Variants in UBE2D2 observed in about 807,000 individuals in gnomAD.
UBE2D2 encodes the protein ubiquitin-conjugating enzyme E2 D2.
A neutral mutation model predicts 24.2 loss-of-function variants in UBE2D2; 2 were observed. The ratio of observed to expected loss-of-function variants is 0.08; its 90% confidence interval spans 0.03 to 0.26. The LOEUF is 0.26. Ranked by LOEUF, UBE2D2 falls within the 10% of genes least tolerant of loss-of-function variation. UBE2D2 has a pLI of 1.00. For synonymous variants in UBE2D2, 58 were observed against 56.5 expected, an observed-to-expected ratio of 1.03 and a Z score of -0.12; for missense variants, 44 against 177.6, an observed-to-expected ratio of 0.25 and a Z score of 4.28.
chr5:139,563,670 C>A (rs542256818), intron 1 of UBE2D2, among the ~76,000 whole-genome samples: 1 of 152,228 alleles, frequency 6.6e-6, no homozygotes, highest in East Asian at 1.9e-4. Context: ...CGGTGGCTCA[C>A]GCCTGTAATC....
intron 1 of UBE2D2, among the ~76,000 whole-genome samples, chr5:139,550,570 C>T (rs866694376): frequency 6.6e-6 from 1 of 152,102 alleles, no homozygotes; most frequent in Non-Finnish European, 1.5e-5. Flanking sequence ...CACGCTCACG[C>T]TATGGGAGTT....
At chr5:139,556,948 C>CG (rs1752988616), upstream of UBE2D2, among the ~76,000 whole-genome samples, 1 of 151,248 alleles carries the variant, frequency 6.6e-6, no homozygotes, top group Admixed American at 6.6e-5. Flanking sequence ...AATTCTCCTG[C>CG]CTCAGCCTCC....
At chr5:139,561,967 T>C in intron 1 of UBE2D2, 152 bp downstream of exon 1, 1 of 1,118,426 alleles carries the variant, frequency 8.9e-7, no homozygotes, top group East Asian at 3.0e-5. Flanking sequence ...CTCCCAGTGA[T>C]GGCGCCCGTG....
In UBE2D2 at chr5:139,574,566, C is replaced by T. The variant is rs74610800; in HGVS notation, c.24+12751C>T. 7.7e-3 allele frequency among the ~76,000 whole-genome samples: 1,172 copies of T among 152,034 alleles called. 8 individuals carry two copies. Among genetic ancestry groups the T allele is most frequent in the Middle Eastern group, 0.041 (12 of 292 alleles). ...ATGAGGCATACAGGCAGTCAGAGTT[C>T]AACTGTAGAATCGTTTCTTAGTGTG... is the stretch of plus-strand genomic sequence containing the variant. On this transcript the variant is annotated intron_variant, in intron 1 of 6. Coordinates refer to ENST00000398733, the MANE Select transcript of UBE2D2 (RefSeq NM_003339.3).
At chr5:139,528,762 C>T (rs554572799) in intron 1 of UBE2D2, among the ~76,000 whole-genome samples, 4 of 152,282 alleles carry the variant, frequency 2.6e-5, no homozygotes, top group South Asian at 2.1e-4. Flanking sequence ...CCTTGCTCCC[C>T]GTATCAGAGA....
chr5:139,610,574 G>GA (rs1381340439), intron 2 of UBE2D2, among the ~76,000 whole-genome samples: 3 of 148,900 alleles, frequency 2.0e-5, no homozygotes, highest in Admixed American at 6.7e-5. Context: ...TGCTTGATAT[G>GA]AAAAAAATCC....
intron 2 of UBE2D2, among the ~76,000 whole-genome samples, chr5:139,603,355 ACT>A (rs1388497271): frequency 1.3e-5 from 2 of 151,602 alleles, no homozygotes; most frequent in Non-Finnish European, 2.9e-5. Context: ...GTTAAATAAA[ACT>A]CTCCCACAGC....
chr5:139,562,174 C>T (rs552517906), intron 1 of UBE2D2: 15 of 1,344,018 alleles, frequency 1.1e-5, no homozygotes, highest in African/African-American at 5.9e-5. Context: ...GGGCGTTGGG[C>T]GGCCCCTTCG....
chr5:139,575,388 G>A (rs1222405026), intron 1 of UBE2D2, among the ~76,000 whole-genome samples: 1 of 152,116 alleles, frequency 6.6e-6, no homozygotes, highest in East Asian at 1.9e-4. Context: ...AATCTTAGGT[G>A]TCAGTGTTAA....
chr5:139,578,416 A>T (rs1375045499), intron 1 of UBE2D2, among the ~76,000 whole-genome samples: 1 of 150,904 alleles, frequency 6.6e-6, no homozygotes, highest in Non-Finnish European at 1.5e-5. Context: ...CCAAAATTCT[A>T]AACTTCTGTT....
chr5:139,546,809 T>TTCTTC (rs1561498142), intron 1 of UBE2D2, among the ~76,000 whole-genome samples: 1 of 129,046 alleles, frequency 7.7e-6, no homozygotes, highest in African/African-American at 2.8e-5. Context: ...CTTTCTTTCT[T>TTCTTC]CTTTCTTTCT....
intron 1 of UBE2D2, among the ~76,000 whole-genome samples, chr5:139,588,131 A>G (rs951260388): frequency 1.3e-5 from 2 of 150,010 alleles, no homozygotes; most frequent in Admixed American, 6.7e-5. Flanking sequence ...GCCTGGCTAA[A>G]TGTTTCTATT....
chr5:139,615,586 AAGAT>A (rs1248221591), intron 5 of UBE2D2, among the ~76,000 whole-genome samples: 1 of 152,202 alleles, frequency 6.6e-6, no homozygotes, highest in East Asian at 1.9e-4. Context: ...TGAATGGAAA[AAGAT>A]AGATACTATT....
chr5:139,626,733 C>G (rs1046546320), intron 6 of UBE2D2, 23 bp from the exon 7 acceptor site: 3 of 1,611,720 alleles, frequency 1.9e-6, no homozygotes, highest in African/African-American at 2.7e-5. Context: ...TATGTTAAGC[C>G]AAGCTTCTCT....
At chr5:139,537,688 G>A (rs1581479797) in intron 1 of UBE2D2, among the ~76,000 whole-genome samples, 1 of 151,884 alleles carries the variant, frequency 6.6e-6, no homozygotes, top group Non-Finnish European at 1.5e-5. Context: ...TTTCTGGCCA[G>A]GCGTGGTAGC....
chr5:139,554,136 TAGAA>T (rs1752952537), intron 1 of UBE2D2, among the ~76,000 whole-genome samples: 1 of 152,132 alleles, frequency 6.6e-6, no homozygotes, highest in Non-Finnish European at 1.5e-5. Context: ...ACCAAAACAA[TAGAA>T]AGAACATTTC....
intron 2 of UBE2D2, among the ~76,000 whole-genome samples, chr5:139,607,006 A>G (rs563348258): frequency 3.9e-4 from 59 of 152,178 alleles, no homozygotes; most frequent in Non-Finnish European, 7.9e-4. Context: ...GTATTTCACC[A>G]TGTTGGCCAG....
intron 1 of UBE2D2, among the ~76,000 whole-genome samples, chr5:139,579,287 A>G (rs1380989264): frequency 6.6e-6 from 1 of 152,188 alleles, no homozygotes; most frequent in African/African-American, 2.4e-5. Flanking sequence ...AGCTGGGATT[A>G]CAGGCATGCG....
chr5:139,627,543 A>G lies in UBE2D2; in HGVS notation c.*742A>G, dbSNP rs1167320139. 6.6e-6 allele frequency: 1 copy of G among 152,600 alleles called. No homozygotes were observed. The highest frequency in any genetic ancestry group is 6.5e-5 in the Admixed American group (1 of 15,272). The allele number at this position is 152,600 out of a possible 1,614,324, so 9.5% of individuals were successfully genotyped here. On this transcript the variant is annotated 3_prime_UTR_variant, in exon 7 of 7. Transcript: ENST00000398733. ...AGCTCTTATTTTTCTTATGTTTTTA[A>G]CCGCTTAGGTCTATTTGGATGTAAG... is the stretch of plus-strand genomic sequence containing the variant.
Sources: gnomAD v4.1 joint callset for allele counts (sites outside exome capture counted in the v4.1 genomes callset) on GRCh38, gnomAD v4.1.1 for gene constraint, MANE v1.5 for transcripts, NCBI Gene and HGNC (gene_info 2026-07-23, HGNC 2026-07-21) for gene names.